The following TANC2 variants were observed in gnomAD, a reference collection of about 807,000 sequenced individuals.
TANC2 encodes the protein protein TANC2.
In TANC2, 26 loss-of-function variants were observed where a neutral mutation model predicts 210.5. The ratio of observed to expected loss-of-function variants is 0.12; its 90% CI spans 0.09 to 0.17. The LOEUF (loss-of-function observed/expected upper bound fraction) is 0.17, where lower values mean the gene tolerates loss of function less well. TANC2 is among the 10% of genes least tolerant of loss of function. The pLI is 1.00. For missense variants in TANC2, 2,129 were observed against 2,608.9 expected (o/e 0.82, Z 4.01); for synonymous variants, 931 against 967.1 (o/e 0.96, Z 0.69).
intron 17 of TANC2, 25 bp downstream of exon 17, chr17:63,389,569 T>C: frequency 6.4e-7 from 1 of 1,566,248 alleles, no homozygotes; most frequent in Non-Finnish European, 8.7e-7. Context: ...GCTCTGCTGC[T>C]TTTCTTCCCT....
At chr17:62,994,606 A>G (rs536477515) in intron 1 of TANC2, among the ~76,000 whole-genome samples, 138 of 152,114 alleles carry the variant, frequency 9.1e-4, no homozygotes, top group African/African-American at 3.0e-3. Context: ...TTCTGTGTCT[A>G]TGGAGGTAAT....
intron 4 of TANC2, chr17:63,149,863 G>C (rs1030334622): frequency 6.6e-6 from 1 of 152,080 alleles, no homozygotes; most frequent in Admixed American, 6.6e-5. Context: ...CATACTGTTA[G>C]GACTCTTAAT....
exon 28 of TANC2, chr17:63,427,111 G>A (rs2049164576): frequency 6.6e-6 from 1 of 152,236 alleles, no homozygotes; most frequent in Non-Finnish European, 1.5e-5. Flanking sequence ...TTCCTGCTGA[G>A]TGAGGCCAGT....
intron 14 of TANC2, among the ~76,000 whole-genome samples, chr17:63,373,104 C>G (rs1206880022): frequency 6.6e-6 from 1 of 151,832 alleles, no homozygotes; most frequent in Non-Finnish European, 1.5e-5. Flanking sequence ...CTATGGTATC[C>G]AGGCTGGTCT....
chr17:63,358,376 A>AGAGAGTGTGTGTGTGT (rs1470682571), intron 14 of TANC2, among the ~76,000 whole-genome samples: 62 of 81,042 alleles, frequency 7.7e-4, no homozygotes, highest in African/African-American at 2.2e-3. Context: ...AGAGAGAGAG[A>AGAGAGTGTGTGTGTGT]GTATGTGTGT....
intron 5 of TANC2, among the ~76,000 whole-genome samples, chr17:63,156,275 G>A (rs933531111): frequency 1.3e-5 from 2 of 152,014 alleles, no homozygotes; most frequent in Admixed American, 6.6e-5. Context: ...AGCTTTGGGG[G>A]GAGTCTTAGC....
chr17:63,016,008 G>C (rs925739322), intron 2 of TANC2, among the ~76,000 whole-genome samples: 19 of 152,038 alleles, frequency 1.2e-4, no homozygotes, highest in Non-Finnish European at 2.4e-4. Flanking sequence ...GGCAATTTCA[G>C]ATATTCGGGA....
At chr17:63,131,665 A>G (rs1174485003) in intron 4 of TANC2, among the ~76,000 whole-genome samples, 2 of 152,236 alleles carry the variant, frequency 1.3e-5, no homozygotes, top group East Asian at 3.8e-4. Flanking sequence ...TTTGAAAGTA[A>G]TATCATTTCA....
intron 1 of TANC2, among the ~76,000 whole-genome samples, chr17:62,969,585 C>T (rs1447776165): frequency 2.0e-5 from 3 of 152,024 alleles, no homozygotes; most frequent in Admixed American, 6.6e-5. Flanking sequence ...TGGGATTATG[C>T]GTAGAGGAGT....
At chr17:63,173,130 A>G (rs2040463549) in intron 5 of TANC2, among the ~76,000 whole-genome samples, 1 of 152,220 alleles carries the variant, frequency 6.6e-6, no homozygotes, top group Non-Finnish European at 1.5e-5. Flanking sequence ...AATTGTCTAT[A>G]AAACAAAGAG....
chr17:63,331,228 T>TATA (rs1259576137), intron 11 of TANC2, among the ~76,000 whole-genome samples: 1 of 152,250 alleles, frequency 6.6e-6, no homozygotes. Flanking sequence ...CCTAATTGTT[T>TATA]ATATTATTTG....
At chr17:63,086,718 A>G (rs2036979986) in intron 3 of TANC2, among the ~76,000 whole-genome samples, 1 of 152,176 alleles carries the variant, frequency 6.6e-6, no homozygotes, top group South Asian at 2.1e-4. Context: ...TCCTGGGTCA[A>G]GTGGGGACTT....
At chr17:63,243,472 A>G (rs1053098583) in intron 8 of TANC2, among the ~76,000 whole-genome samples, 4 of 152,234 alleles carry the variant, frequency 2.6e-5, no homozygotes, top group African/African-American at 9.6e-5. Flanking sequence ...ATGTCCATCA[A>G]CAGTGGAACT....
chr17:63,216,908 A>G (rs2042041469), intron 7 of TANC2, among the ~76,000 whole-genome samples: 1 of 152,218 alleles, frequency 6.6e-6, no homozygotes, highest in Non-Finnish European at 1.5e-5. Context: ...TTAAACTAGA[A>G]ATCAGTAATA....
intron 4 of TANC2, among the ~76,000 whole-genome samples, chr17:63,142,560 AT>A (rs745431310): frequency 3.3e-5 from 5 of 151,774 alleles, no homozygotes; most frequent in Non-Finnish European, 7.4e-5. Context: ...TCGTTTCATC[AT>A]TTTCCTCTGA....
intron 2 of TANC2, among the ~76,000 whole-genome samples, chr17:63,032,072 A>G (rs1439308286): frequency 1.3e-5 from 2 of 152,132 alleles, no homozygotes; most frequent in Non-Finnish European, 2.9e-5. Flanking sequence ...GTTCACTCCC[A>G]TTTCTTATAT....
At chr17:63,376,454 C>T (rs370858342) in intron 14 of TANC2, among the ~76,000 whole-genome samples, 13 of 152,208 alleles carry the variant, frequency 8.5e-5, no homozygotes, top group African/African-American at 2.9e-4. Flanking sequence ...CTCATTATCT[C>T]TCCTGCCACC....
At chr17:63,057,872 T>C (rs2035860297) in intron 2 of TANC2, among the ~76,000 whole-genome samples, 1 of 152,202 alleles carries the variant, frequency 6.6e-6, no homozygotes, top group Admixed American at 6.5e-5. Context: ...TTTGTTATTG[T>C]GAACAGTGCT....
At chr17:63,396,744 C>T (rs2048173779) in intron 18 of TANC2, 1 of 151,954 alleles carries the variant, frequency 6.6e-6, no homozygotes, top group African/African-American at 2.4e-5. Context: ...CACATGTTCT[C>T]ATTGATAAGT....
Sources: allele counts gnomAD v4.1 joint callset (sites outside exome capture counted in the v4.1 genomes callset), GRCh38; gene constraint gnomAD v4.1.1; transcripts MANE v1.5; gene names NCBI Gene and HGNC (gene_info 2026-07-23, HGNC 2026-07-21).